The following HTR1F variants were observed in gnomAD, a reference collection of about 807,000 sequenced individuals.
The protein encoded by HTR1F is 5-hydroxytryptamine receptor 1F.
A neutral mutation model predicts 24.0 loss-of-function variants in HTR1F; 17 were observed. That is an observed-to-expected ratio of 0.71 (90% CI 0.48 to 1.06). The LOEUF (loss-of-function observed/expected upper bound fraction) is 1.06, where lower values mean the gene tolerates loss of function less well. Among genes scored for constraint, HTR1F ranks in the 50% least tolerant of loss-of-function variants. HTR1F has a pLI of 0.00. For missense variants in HTR1F, 391 were observed against 427.8 expected (o/e 0.91, Z 0.76); for synonymous variants, 186 against 156.8 (o/e 1.19, Z -1.39).
intron 1 of HTR1F, among the ~76,000 whole-genome samples, chr3:87,816,882 T>G (rs190538709): frequency 1.2e-4 from 18 of 152,240 alleles, no homozygotes; most frequent in Admixed American, 3.3e-4. Flanking sequence ...GTCTCTAAAC[T>G]TTTTTGTGTT....
intron 2 of HTR1F, among the ~76,000 whole-genome samples, chr3:87,882,652 C>G (rs1705831613): frequency 7.2e-6 from 1 of 139,034 alleles, no homozygotes; most frequent in Non-Finnish European, 1.5e-5. Flanking sequence ...GGGAATTGAA[C>G]AATGAGAACA....
At chr3:87,889,310 C>T (rs1216472353) in intron 2 of HTR1F, among the ~76,000 whole-genome samples, 1 of 152,092 alleles carries the variant, frequency 6.6e-6, no homozygotes, top group Non-Finnish European at 1.5e-5. Context: ...CAGACTAAGA[C>T]AGCAATTATA....
intron 2 of HTR1F, among the ~76,000 whole-genome samples, chr3:87,951,444 T>C (rs1384345649): frequency 6.6e-6 from 1 of 152,134 alleles, no homozygotes. Flanking sequence ...ATAAATACTT[T>C]CTAAAGAAAT....
chr3:87,950,504 C>T (rs1019685160), intron 2 of HTR1F, among the ~76,000 whole-genome samples: 1 of 151,392 alleles, frequency 6.6e-6, no homozygotes, highest in South Asian at 2.1e-4. Flanking sequence ...ATCAGGATGC[C>T]CTGATGTTAT....
intron 2 of HTR1F, among the ~76,000 whole-genome samples, chr3:87,974,346 C>T (rs376590312): frequency 1.4e-4 from 22 of 152,166 alleles, no homozygotes; most frequent in Admixed American, 3.3e-4. Context: ...TATCAATGCA[C>T]GTTAAAGTAA....
At chr3:87,816,243 A>C (rs1312831359) in intron 1 of HTR1F, among the ~76,000 whole-genome samples, 3 of 152,096 alleles carry the variant, frequency 2.0e-5, no homozygotes, top group Non-Finnish European at 4.4e-5. Flanking sequence ...ACTTGGCAGC[A>C]TTTGACCATG....
At chr3:87,874,963 C>A (rs1000546296) in intron 2 of HTR1F, among the ~76,000 whole-genome samples, 1 of 152,112 alleles carries the variant, frequency 6.6e-6, no homozygotes, top group African/African-American at 2.4e-5. Flanking sequence ...CCTTACTTTA[C>A]ACCATATACA....
Position 87,952,281 on chromosome 3 carries a change from C to T in HTR1F, c.-42-38427C>T, listed in dbSNP as rs570400897. 2.6e-5 allele frequency among the ~76,000 whole-genome samples: 4 copies of T among 152,038 alleles called. No homozygotes were observed. In the East Asian group the frequency reaches 7.7e-4, roughly 29 times the overall value. On this transcript the variant is annotated intron_variant, in intron 2 of 2. Coordinates refer to ENST00000319595, the MANE Select transcript of HTR1F (RefSeq NM_001322209.2). Reference sequence around the variant, plus strand: ...TTTTTTAACAACAGCAATAATTAGACCTTTTTAATATTTATCAGTTTTTAT... The same window carrying T: ...TTTTTTAACAACAGCAATAATTAGATCTTTTTAATATTTATCAGTTTTTAT...
rs1236661340 is a variant in HTR1F, at chr3:87,882,622, G to A, written c.-43+60498G>A. ...TATCAAGAACAAAAAACTAAACACC[G>A]CATATTCTCACTCATAGGTGGGAAT... On this transcript the variant is annotated intron_variant, in intron 2 of 2. Coordinates refer to ENST00000319595, the MANE Select transcript of HTR1F (RefSeq NM_001322209.2). 4.0e-5 allele frequency among the ~76,000 whole-genome samples: 6 copies of A among 148,214 alleles called. No individual in the cohort carries two copies. In the East Asian group the frequency reaches 6.1e-4, roughly 15 times the overall value.
At chr3:87,910,058 A>G (rs917833840) in intron 2 of HTR1F, among the ~76,000 whole-genome samples, 1 of 152,008 alleles carries the variant, frequency 6.6e-6, no homozygotes, top group African/African-American at 2.4e-5. Flanking sequence ...TCTATATTAA[A>G]TATTCTTTTA....
chr3:87,991,880 G>A lies in HTR1F; in HGVS notation c.*30G>A. ...AAAAATGTTTATTATTGAAGGATGG[G>A]GGTTTTTGAGGGGAGGAATAACTAG... On this transcript the variant is annotated 3_prime_UTR_variant, in exon 3 of 3. Transcript: ENST00000319595. 1 of 1,506,496 alleles carries A rather than the reference G, an allele frequency of 6.6e-7. No individual in the cohort carries two copies. Among genetic ancestry groups the A allele is most frequent in the Non-Finnish European group, 8.9e-7 (1 of 1,127,948 alleles). 93.3% of individuals were successfully genotyped at this position (1,506,496 alleles called of 1,614,324 possible).
At chr3:87,861,456 A>C (rs1314484261) in intron 2 of HTR1F, among the ~76,000 whole-genome samples, 1 of 152,182 alleles carries the variant, frequency 6.6e-6, no homozygotes, top group Non-Finnish European at 1.5e-5. Flanking sequence ...AACAAAATCA[A>C]AATTATTGCC....
At chr3:87,799,323 T>G (rs1486620253) in intron 1 of HTR1F, among the ~76,000 whole-genome samples, 2 of 152,238 alleles carry the variant, frequency 1.3e-5, no homozygotes. Context: ...TGATTTTTTT[T>G]CATACCTGCA....
At chr3:87,818,460 T>A (rs1406884817) in intron 1 of HTR1F, among the ~76,000 whole-genome samples, 1 of 152,238 alleles carries the variant, frequency 6.6e-6, no homozygotes, top group East Asian at 1.9e-4. Context: ...AAGTGAGGCA[T>A]CTCCAGCAGC....
chr3:87,978,871 A>AG (rs1349673476), intron 2 of HTR1F, among the ~76,000 whole-genome samples: 14 of 93,766 alleles, frequency 1.5e-4, no homozygotes, highest in African/African-American at 5.0e-4. Context: ...GAAGGATGGA[A>AG]GGAAGGGAGG....
intron 2 of HTR1F, among the ~76,000 whole-genome samples, chr3:87,856,376 G>A (rs992185432): frequency 6.6e-6 from 1 of 151,966 alleles, no homozygotes; most frequent in Non-Finnish European, 1.5e-5. Context: ...TACTCCCAGC[G>A]AGCATATGGG....
rs140137257 is a variant in HTR1F, at chr3:87,891,275, T to C, written c.-43+69151T>C. ...CAAAGAGATATCTAATAAAAATACATATAAATTGAGTGTTTTTTGTTAAAA... is the reference window on the plus strand; with the variant it reads ...CAAAGAGATATCTAATAAAAATACACATAAATTGAGTGTTTTTTGTTAAAA... On this transcript the variant is annotated intron_variant, in intron 2 of 2. Transcript: ENST00000319595. Among the ~76,000 whole-genome samples the C allele has an allele frequency of 4.6e-3, 691 of 151,482 alleles. 6 individuals carry two copies. The highest frequency in any genetic ancestry group is 0.014 in the African/African-American group (561 of 41,160).
chr3:87,806,377 C>T (rs1175701152), intron 1 of HTR1F, among the ~76,000 whole-genome samples: 6 of 152,020 alleles, frequency 3.9e-5, no homozygotes, highest in Non-Finnish European at 5.9e-5. Context: ...AGTTCTCTTC[C>T]TCTGTTTCCT....
At chr3:87,962,896 T>A (rs1322588031) in intron 2 of HTR1F, among the ~76,000 whole-genome samples, 2 of 152,038 alleles carry the variant, frequency 1.3e-5, no homozygotes, top group Non-Finnish European at 2.9e-5. Flanking sequence ...TCTCTTTGGT[T>A]GTAGTTTAAT....
Sources: allele counts gnomAD v4.1 joint callset (sites outside exome capture counted in the v4.1 genomes callset), GRCh38; gene constraint gnomAD v4.1.1; transcripts MANE v1.5; gene names NCBI Gene and HGNC (gene_info 2026-07-23, HGNC 2026-07-21).